The following KAZN variants were observed in gnomAD, a reference collection of about 807,000 sequenced individuals.
KAZN encodes kazrin.
KAZN carries 40 observed loss-of-function variants against 87.4 expected under a neutral mutation model. The observed-to-expected ratio is 0.46, with a 90% CI of 0.36 to 0.60. The LOEUF is 0.60. Ranked by LOEUF, KAZN falls within the 20% of genes least tolerant of loss-of-function variation. The pLI, the probability that KAZN is intolerant of heterozygous loss-of-function variation, is 0.00. For missense variants in KAZN, 898 were observed against 1,073.9 expected, an observed-to-expected ratio of 0.84 and a Z score of 2.29; for synonymous variants, 466 against 458.3, an observed-to-expected ratio of 1.02 and a Z score of -0.22.
intron 2 of KAZN, among the ~76,000 whole-genome samples, chr1:14,564,579 G>A (rs1216722597): frequency 3.3e-5 from 5 of 151,848 alleles, no homozygotes; most frequent in South Asian, 2.1e-4. Context: ...GCCGAGGTGC[G>A]TGGATCACGA....
intron 1 of KAZN, among the ~76,000 whole-genome samples, chr1:14,889,570 C>A (rs912033919): frequency 2.0e-5 from 3 of 152,166 alleles, no homozygotes; most frequent in Non-Finnish European, 4.4e-5. Context: ...TCTCCTAGGA[C>A]AGAATTCCCC....
chr1:13,975,471 G>C (rs578172922), intron 1 of KAZN, among the ~76,000 whole-genome samples: 3 of 152,352 alleles, frequency 2.0e-5, no homozygotes, highest in East Asian at 3.9e-4. Flanking sequence ...TAGCGGAAAA[G>C]AGCTGCATGT....
intron 2 of KAZN, among the ~76,000 whole-genome samples, chr1:14,344,957 C>G (rs567360407): frequency 6.7e-6 from 1 of 148,182 alleles, no homozygotes; most frequent in Non-Finnish European, 1.5e-5. Context: ...CTGGTTCTGT[C>G]GCCCAGGCTA....
chr1:14,907,484 C>A (rs1656732808), intron 1 of KAZN, among the ~76,000 whole-genome samples: 1 of 151,762 alleles, frequency 6.6e-6, no homozygotes. Flanking sequence ...TTAACAAGAT[C>A]TCCAGGAGAT....
chr1:13,956,308 T>TC (rs34512100), intron 1 of KAZN, among the ~76,000 whole-genome samples: 23,140 of 137,118 alleles, frequency 0.17, 2,266 homozygotes, highest in East Asian at 0.46. Flanking sequence ...TTTCTTTTTT[T>TC]TCTTTTTTTT....
At position 15,117,751 on chromosome 1, in the gene KAZN, C is replaced by G. The variant is rs903434625; in HGVS notation, c.*3116C>G. 1 of 152,372 alleles carries G rather than the reference C, an allele frequency of 6.6e-6. No homozygotes were observed. Among genetic ancestry groups the G allele is most frequent in the Non-Finnish European group, 1.5e-5 (1 of 68,156 alleles). The allele number at this position is 152,372 out of a possible 1,614,324, so 9.4% of individuals were successfully genotyped here. ...CTCCCTCTTCCCATCAGAGCCCATG[C>G]GTCCTGGGCACCACCACTTCCACTC... On this transcript the variant is annotated 3_prime_UTR_variant, in exon 15 of 15. Transcript: ENST00000376030.
At chr1:14,091,659 C>T (rs1286119099) in intron 1 of KAZN, among the ~76,000 whole-genome samples, 1 of 152,152 alleles carries the variant, frequency 6.6e-6, no homozygotes, top group Admixed American at 6.5e-5. Context: ...CTATTTCTTT[C>T]TCTATTTCAA....
intron 2 of KAZN, among the ~76,000 whole-genome samples, chr1:14,215,136 G>A (rs534332581): frequency 6.6e-6 from 1 of 152,098 alleles, no homozygotes; most frequent in Admixed American, 6.5e-5. Flanking sequence ...CATTTCTCAC[G>A]TGGGGAGCTA....
intron 1 of KAZN, among the ~76,000 whole-genome samples, chr1:14,805,102 C>T (rs1044988198): frequency 1.3e-5 from 2 of 152,160 alleles, no homozygotes; most frequent in African/African-American, 4.8e-5. Flanking sequence ...GGTTGAAGAG[C>T]GTACTAGTCG....
At chr1:13,951,381 C>T (rs966693855) in intron 1 of KAZN, among the ~76,000 whole-genome samples, 8 of 152,122 alleles carry the variant, frequency 5.3e-5, no homozygotes, top group Non-Finnish European at 7.3e-5. Flanking sequence ...AGCTAGTCCA[C>T]GCAAAGCACT....
chr1:14,629,048 T>C (rs1179119103), intron 1 of KAZN, among the ~76,000 whole-genome samples: 1 of 152,064 alleles, frequency 6.6e-6, no homozygotes, highest in African/African-American at 2.4e-5. Flanking sequence ...GGTTTCACCA[T>C]GTTGGCCAGG....
At chr1:14,347,477 C>T (rs1293377879) in intron 2 of KAZN, among the ~76,000 whole-genome samples, 1 of 152,166 alleles carries the variant, frequency 6.6e-6, no homozygotes, top group African/African-American at 2.4e-5. Flanking sequence ...GGGTCCCCAG[C>T]CTCCCCAAGG....
intron 1 of KAZN, among the ~76,000 whole-genome samples, chr1:14,164,086 C>G (rs527347764): frequency 6.6e-6 from 1 of 152,202 alleles, no homozygotes; most frequent in Non-Finnish European, 1.5e-5. Context: ...ACTCTACTTC[C>G]AGGTATGAAA....
intron 2 of KAZN, among the ~76,000 whole-genome samples, chr1:14,467,580 A>G (rs944292515): frequency 2.6e-5 from 4 of 151,754 alleles, no homozygotes; most frequent in African/African-American, 9.7e-5. Flanking sequence ...TATACATTCT[A>G]CAAGTGACAA....
intron 2 of KAZN, among the ~76,000 whole-genome samples, chr1:14,464,695 T>A (rs778509350): frequency 4.6e-5 from 7 of 151,880 alleles, no homozygotes; most frequent in African/African-American, 7.2e-5. Context: ...CATGCCACCA[T>A]GCCTGGCTAA....
At chr1:14,387,379 G>T (rs552186386) in intron 2 of KAZN, among the ~76,000 whole-genome samples, 2 of 152,320 alleles carry the variant, frequency 1.3e-5, no homozygotes, top group Admixed American at 1.3e-4. Flanking sequence ...TTTGGAGGAG[G>T]AGAGGTGCTC....
chr1:14,938,542 CAA>C (rs35014105), intron 1 of KAZN, among the ~76,000 whole-genome samples: 1,261 of 107,828 alleles, frequency 0.012, 8 homozygotes, highest in African/African-American at 0.025. Flanking sequence ...AACTCCATCT[CAA>C]AAAAAAAAAA....
intron 1 of KAZN, among the ~76,000 whole-genome samples, chr1:14,732,395 T>C (rs1643716406): frequency 6.6e-6 from 1 of 152,154 alleles, no homozygotes; most frequent in Admixed American, 6.5e-5. Flanking sequence ...TCCCAGCACT[T>C]TGGGAGGCCG....
At chr1:13,960,080 G>A (rs749950175) in intron 1 of KAZN, among the ~76,000 whole-genome samples, 2 of 151,408 alleles carry the variant, frequency 1.3e-5, no homozygotes, top group African/African-American at 4.9e-5. Flanking sequence ...AGTCTAATGG[G>A]GAAAAAGCCA....
Sources: gnomAD v4.1 joint callset for allele counts (sites outside exome capture counted in the v4.1 genomes callset) on GRCh38, gnomAD v4.1.1 for gene constraint, MANE v1.5 for transcripts, NCBI Gene and HGNC (gene_info 2026-07-23, HGNC 2026-07-21) for gene names.